Variants in CSMD2 observed in about 807,000 individuals in gnomAD.
CSMD2 encodes CUB and Sushi multiple domains 2, also known as CUB and sushi domain-containing protein 2.
In CSMD2, 130 loss-of-function variants were observed where a neutral mutation model predicts 398.5. That is an observed-to-expected ratio of 0.33 (90% CI 0.28 to 0.38). The LOEUF (loss-of-function observed/expected upper bound fraction) is 0.38, where lower values mean the gene tolerates loss of function less well. CSMD2 is among the 10% of genes least tolerant of loss of function. The pLI, the probability that CSMD2 is intolerant of heterozygous loss-of-function variation, is 1.00. For synonymous variants in CSMD2, 1,828 were observed against 1,908.5 expected, an observed-to-expected ratio of 0.96 and a Z score of 1.10; for missense variants, 3,829 against 4,764.9, an observed-to-expected ratio of 0.80 and a Z score of 5.78.
chr1:33,817,734 A>G (rs1657636141), intron 9 of CSMD2, among the ~76,000 whole-genome samples: 2 of 152,242 alleles, frequency 1.3e-5, no homozygotes, highest in Admixed American at 1.3e-4. Context: ...AACCCCACGA[A>G]GTAATGTTCT....
intron 13 of CSMD2, among the ~76,000 whole-genome samples, chr1:33,765,355 A>G (rs903899749): frequency 1.3e-5 from 2 of 152,096 alleles, no homozygotes; most frequent in African/African-American, 4.8e-5. Context: ...AAATTATTCA[A>G]TACCAGTGCT....
At chr1:33,596,122 G>A (rs750138094) in intron 44 of CSMD2, among the ~76,000 whole-genome samples, 1 of 152,138 alleles carries the variant, frequency 6.6e-6, no homozygotes, top group Non-Finnish European at 1.5e-5. Context: ...TGTCCTTGAC[G>A]TATTAACGTA....
chr1:33,601,065 C>T, intron 43 of CSMD2, 55 bp from the exon 44 acceptor site: 1 of 1,606,960 alleles, frequency 6.2e-7, no homozygotes, highest in South Asian at 1.1e-5. Flanking sequence ...GCTGCCTGCT[C>T]CACTTGGTGC....
chr1:33,722,410 A>C (rs1646385835), intron 19 of CSMD2, among the ~76,000 whole-genome samples: 1 of 152,254 alleles, frequency 6.6e-6, no homozygotes. Flanking sequence ...CAATGTCAGC[A>C]GTCAATAGCA....
At chr1:34,044,319 A>C (rs1022983917) in intron 2 of CSMD2, among the ~76,000 whole-genome samples, 1 of 152,218 alleles carries the variant, frequency 6.6e-6, no homozygotes, top group Middle Eastern at 3.2e-3. Context: ...AAAAAATAAA[A>C]TGCGTAGGAG....
chr1:34,057,397 G>T (rs1472335366), intron 2 of CSMD2, among the ~76,000 whole-genome samples: 3 of 152,098 alleles, frequency 2.0e-5, no homozygotes, highest in Admixed American at 6.5e-5. Flanking sequence ...TGAGCCTCTC[G>T]CTGTTTCTAT....
chr1:33,829,805 G>A lies in CSMD2; in HGVS notation c.1034-4031C>T, dbSNP rs561037592. On this transcript the variant is annotated intron_variant, in intron 6 of 70. Coordinates refer to ENST00000373381, the MANE Select transcript of CSMD2 (RefSeq NM_001281956.2). ...GTGGAAAATCGGGTCACTCCCACCCGAATACTGCGCTTTTCCAACGGGCTT... is the reference window on the plus strand; with the variant it reads ...GTGGAAAATCGGGTCACTCCCACCCAAATACTGCGCTTTTCCAACGGGCTT... 9.2e-5 allele frequency among the ~76,000 whole-genome samples: 14 copies of A among 151,978 alleles called. No homozygotes were observed. In the East Asian group the frequency reaches 1.4e-3, roughly 15 times the overall value.
intron 19 of CSMD2, among the ~76,000 whole-genome samples, chr1:33,720,288 TG>T (rs1646316215): frequency 6.6e-6 from 1 of 152,232 alleles, no homozygotes; most frequent in African/African-American, 2.4e-5. Context: ...GCTCCTAGTC[TG>T]TCAGGGAGAC....
intron 3 of CSMD2, among the ~76,000 whole-genome samples, chr1:33,984,852 AAGGAAGGAAGGCAGGCAGGC>A (rs1420804541): frequency 7.1e-6 from 1 of 140,780 alleles, no homozygotes; most frequent in African/African-American, 3.0e-5. Flanking sequence ...GGAAGGAAGG[AAGGAAGGAAGGCAGGCAGGC>A]AGGCAGGCAG....
chr1:33,871,556 T>A (rs982196353), intron 5 of CSMD2, among the ~76,000 whole-genome samples: 3 of 152,186 alleles, frequency 2.0e-5, no homozygotes, highest in African/African-American at 7.2e-5. Context: ...AGAGCCTTCT[T>A]ATTGGTGAGG....
Position 34,104,682 on chromosome 1 carries a change from G to A in CSMD2, c.188-15489C>T, listed in dbSNP as rs570574920. Among the ~76,000 whole-genome samples the A allele has an allele frequency of 5.9e-5, 9 of 152,310 alleles. No individual in the cohort carries two copies. The South Asian group carries it at 1.7e-3, about 28-fold the overall frequency. ...CACCTGCCACACGGAGCACCAGCTG[G>A]ACACCTCAAGTCTACAATCAGCCTC... On this transcript the variant is annotated intron_variant, in intron 1 of 70. Coordinates refer to ENST00000373381, the MANE Select transcript of CSMD2 (RefSeq NM_001281956.2).
intron 12 of CSMD2, among the ~76,000 whole-genome samples, chr1:33,777,563 C>T (rs1339248464): frequency 6.6e-6 from 1 of 152,196 alleles, no homozygotes; most frequent in African/African-American, 2.4e-5. Flanking sequence ...GACGTCAGGA[C>T]CCAGAATTGC....
chr1:33,893,409 T>C (rs145145513), intron 5 of CSMD2, among the ~76,000 whole-genome samples: 9 of 152,280 alleles, frequency 5.9e-5, no homozygotes, highest in African/African-American at 1.7e-4. Context: ...AGGCAGAGGA[T>C]AGGAGAGGGG....
At chr1:33,707,693 G>GCACACA (rs1385022470) in intron 22 of CSMD2, among the ~76,000 whole-genome samples, 4 of 46,906 alleles carry the variant, frequency 8.5e-5, no homozygotes, top group Non-Finnish European at 1.0e-4. Context: ...ACGCGCGCGC[G>GCACACA]CGCACACACA....
chr1:33,694,737 T>C (rs1389462351), intron 24 of CSMD2, among the ~76,000 whole-genome samples: 5 of 152,156 alleles, frequency 3.3e-5, no homozygotes, highest in Admixed American at 3.3e-4. Context: ...CAGACTAATA[T>C]AACTACAAAC....
At chr1:33,569,077 G>A (rs1479887647) in intron 52 of CSMD2, among the ~76,000 whole-genome samples, 1 of 152,154 alleles carries the variant, frequency 6.6e-6, no homozygotes, top group Non-Finnish European at 1.5e-5. Context: ...AATGGAGACT[G>A]GGGCTTCACT....
chr1:33,583,937 T>G, intron 46 of CSMD2, 107 bp from the exon 47 acceptor site: 1 of 898,232 alleles, frequency 1.1e-6, no homozygotes, highest in Non-Finnish European at 1.7e-6. Flanking sequence ...AAATCAGTAT[T>G]TGAGCACATT....
chr1:33,575,045 G>C (rs1659943263), intron 49 of CSMD2, among the ~76,000 whole-genome samples: 1 of 152,204 alleles, frequency 6.6e-6, no homozygotes, highest in Non-Finnish European at 1.5e-5. Flanking sequence ...ACTCCAGCCT[G>C]AGATACTAAA....
chr1:34,074,782 T>A (rs68105113), intron 2 of CSMD2, among the ~76,000 whole-genome samples: 14,207 of 151,996 alleles, frequency 0.093, 1,705 homozygotes, highest in African/African-American at 0.28. Flanking sequence ...TGCATGGTAA[T>A]CTGAGCAGGT....
Sources: gnomAD v4.1 joint callset for allele counts (sites outside exome capture counted in the v4.1 genomes callset) on GRCh38, gnomAD v4.1.1 for gene constraint, MANE v1.5 for transcripts, NCBI Gene and HGNC (gene_info 2026-07-23, HGNC 2026-07-21) for gene names.